Variants in CCSER1 observed in about 807,000 individuals in gnomAD.
CCSER1 encodes serine-rich coiled-coil domain-containing protein 1.
CCSER1 carries 41 observed loss-of-function variants against 82.0 expected under a neutral mutation model. That is an observed-to-expected ratio of 0.50 (90% CI 0.39 to 0.65). The LOEUF (loss-of-function observed/expected upper bound fraction) is 0.65, where lower values mean the gene tolerates loss of function less well. CCSER1 is among the 30% of genes least tolerant of loss of function. The probability of loss-of-function intolerance (pLI) is 0.00; values close to 1 mark genes in which losing one functional copy is unlikely to be tolerated. For synonymous variants in CCSER1, 414 were observed against 383.9 expected, an observed-to-expected ratio of 1.08 and a Z score of -0.92; for missense variants, 1,119 against 1,064.2, an observed-to-expected ratio of 1.05 and a Z score of -0.72.
intron 10 of CCSER1, among the ~76,000 whole-genome samples, chr4:91,263,515 A>G (rs531773170): frequency 3.9e-5 from 6 of 152,006 alleles, no homozygotes; most frequent in Non-Finnish European, 7.4e-5. Flanking sequence ...GCTGAGTTCT[A>G]TAAAATAACT....
At chr4:91,087,010 A>T (rs1723458803) in intron 10 of CCSER1, among the ~76,000 whole-genome samples, 1 of 152,150 alleles carries the variant, frequency 6.6e-6, no homozygotes, top group African/African-American at 2.4e-5. Context: ...GAGCAAGATG[A>T]TAAGAATATG....
intron 10 of CCSER1, among the ~76,000 whole-genome samples, chr4:91,388,029 C>T (rs1323706627): frequency 6.6e-6 from 1 of 151,906 alleles, no homozygotes; most frequent in East Asian, 1.9e-4. Context: ...TCAAAATAAA[C>T]AATATGTTTT....
intron 10 of CCSER1, among the ~76,000 whole-genome samples, chr4:91,573,610 C>T (rs1112026): frequency 0.069 from 10,438 of 152,212 alleles, 385 homozygotes; most frequent in Middle Eastern, 0.099. Flanking sequence ...ATTCACTCAG[C>T]ACTTCCCAGA....
intron 4 of CCSER1, among the ~76,000 whole-genome samples, chr4:90,400,465 C>T (rs1752667935): frequency 6.6e-6 from 1 of 152,022 alleles, no homozygotes; most frequent in African/African-American, 2.4e-5. Flanking sequence ...TAATTATAAT[C>T]TCACTTTTCA....
intron 10 of CCSER1, among the ~76,000 whole-genome samples, chr4:91,218,331 G>A (rs986743292): frequency 1.3e-5 from 2 of 152,162 alleles, no homozygotes; most frequent in African/African-American, 4.8e-5. Context: ...ACGCAGCCCC[G>A]GTTCCTGCTC....
intron 10 of CCSER1, among the ~76,000 whole-genome samples, chr4:91,089,204 CAG>C (rs1377521001): frequency 1.3e-5 from 2 of 152,276 alleles, no homozygotes; most frequent in East Asian, 1.9e-4. Context: ...CGGTATGTGA[CAG>C]GGGCTGCAAG....
chr4:90,165,458 G>T (rs1483048810), intron 1 of CCSER1, among the ~76,000 whole-genome samples: 1 of 151,938 alleles, frequency 6.6e-6, no homozygotes, highest in African/African-American at 2.4e-5. Flanking sequence ...TTTGAGGGTG[G>T]CTTAGAATTA....
chr4:91,409,679 T>C (rs545352413), intron 10 of CCSER1, among the ~76,000 whole-genome samples: 30 of 152,156 alleles, frequency 2.0e-4, no homozygotes, highest in Non-Finnish European at 3.2e-4. Flanking sequence ...CTAATTTCTT[T>C]GTCTTTTTCT....
intron 4 of CCSER1, among the ~76,000 whole-genome samples, chr4:90,422,033 T>G (rs1007341867): frequency 2.0e-5 from 3 of 152,144 alleles, no homozygotes; most frequent in Admixed American, 6.5e-5. Context: ...CAATCCAGAT[T>G]TTCACTAATG....
chr4:90,615,687 T>A (rs1445820772), intron 5 of CCSER1, among the ~76,000 whole-genome samples: 3 of 147,874 alleles, frequency 2.0e-5, no homozygotes, highest in East Asian at 2.0e-4. Context: ...TTTTTTTTTT[T>A]CTTTTTTTGA....
At chr4:90,947,896 T>C (rs951945649) in intron 9 of CCSER1, among the ~76,000 whole-genome samples, 15 of 152,120 alleles carry the variant, frequency 9.9e-5, no homozygotes, top group Admixed American at 4.6e-4. Context: ...ATCATGTAAT[T>C]TTTTCTCTGT....
intron 8 of CCSER1, among the ~76,000 whole-genome samples, chr4:90,847,192 A>C (rs1168568266): frequency 6.6e-6 from 1 of 152,240 alleles, no homozygotes; most frequent in Non-Finnish European, 1.5e-5. Context: ...TGGTGATCAA[A>C]GGAGGATTCT....
intron 7 of CCSER1, among the ~76,000 whole-genome samples, chr4:90,748,250 T>C (rs1241226784): frequency 7.2e-6 from 1 of 139,488 alleles, no homozygotes; most frequent in Admixed American, 7.8e-5. Context: ...TGTGATCTCA[T>C]TGTTCAATTC....
chr4:90,683,288 A>G (rs1260223737), intron 6 of CCSER1, among the ~76,000 whole-genome samples: 1 of 152,150 alleles, frequency 6.6e-6, no homozygotes, highest in Non-Finnish European at 1.5e-5. Context: ...ATACACTCAT[A>G]TCTAAGATAT....
At chr4:91,269,527 T>C (rs1265310409) in intron 10 of CCSER1, among the ~76,000 whole-genome samples, 1 of 152,202 alleles carries the variant, frequency 6.6e-6, no homozygotes, top group Non-Finnish European at 1.5e-5. Context: ...ACTTATATGT[T>C]TATCAGAAAT....
At chr4:90,274,503 C>G (rs1283384258) in intron 1 of CCSER1, among the ~76,000 whole-genome samples, 1 of 152,024 alleles carries the variant, frequency 6.6e-6, no homozygotes, top group Non-Finnish European at 1.5e-5. Context: ...TAGTTTGTTA[C>G]TATTGTTCAG....
chr4:91,154,566 C>T (rs1730609113), intron 10 of CCSER1, among the ~76,000 whole-genome samples: 1 of 152,040 alleles, frequency 6.6e-6, no homozygotes, highest in South Asian at 2.1e-4. Context: ...GTGAGATGAA[C>T]CTGGTACCTC....
intron 1 of CCSER1, among the ~76,000 whole-genome samples, chr4:90,224,553 C>A (rs536312324): frequency 2.6e-5 from 4 of 152,196 alleles, no homozygotes; most frequent in East Asian, 3.9e-4. Context: ...TCTTTCAATT[C>A]TCTAATTATT....
intron 6 of CCSER1, among the ~76,000 whole-genome samples, chr4:90,687,071 C>A (rs1734941442): frequency 6.6e-6 from 1 of 152,240 alleles, no homozygotes; most frequent in Non-Finnish European, 1.5e-5. Flanking sequence ...ATACCTTCAG[C>A]TCCTTAAGAT....
Sources: gnomAD v4.1 joint callset for allele counts (sites outside exome capture counted in the v4.1 genomes callset) on GRCh38, gnomAD v4.1.1 for gene constraint, MANE v1.5 for transcripts, NCBI Gene and HGNC (gene_info 2026-07-23, HGNC 2026-07-21) for gene names.